LRP2: variants seen among roughly 807,000 people sequenced by gnomAD.
The protein encoded by LRP2 is LDL receptor related protein 2, also known as low-density lipoprotein receptor-related protein 2.
A neutral mutation model predicts 531.0 loss-of-function variants in LRP2; 172 were observed. The observed-to-expected ratio is 0.32, with a 90% CI of 0.29 to 0.37. The LOEUF is 0.37. LRP2 is among the 10% of genes least tolerant of loss of function. The probability of loss-of-function intolerance (pLI) is 1.00; values close to 1 mark genes in which losing one functional copy is unlikely to be tolerated. For missense variants in LRP2, 5,167 were observed against 5,868.3 expected, an observed-to-expected ratio of 0.88 and a Z score of 3.90; for synonymous variants, 1,992 against 2,027.6, an observed-to-expected ratio of 0.98 and a Z score of 0.47.
At chr2:169,291,410 G>A (rs190121690) in intron 7 of LRP2, among the ~76,000 whole-genome samples, 91 of 152,290 alleles carry the variant, frequency 6.0e-4, no homozygotes, top group African/African-American at 2.0e-3. Context: ...TTAGTGAAAT[G>A]TCAACAGTAT....
At position 169,182,971 on chromosome 2, in the gene LRP2, A is replaced by G. The variant is rs113153111; in HGVS notation, c.9846-652T>C. Reference sequence around the variant, plus strand: ...ATTCAATAAAATTTATTTTTCTTATAAGGTAAGTGTTCTTAACCCAAGGTC... The same window carrying G: ...ATTCAATAAAATTTATTTTTCTTATGAGGTAAGTGTTCTTAACCCAAGGTC... On this transcript the variant is annotated intron_variant, in intron 50 of 78. Coordinates refer to ENST00000649046, the MANE Select transcript of LRP2 (RefSeq NM_004525.3). 1.6e-3 allele frequency among the ~76,000 whole-genome samples: 242 copies of G among 152,302 alleles called. 2 individuals carry two copies. The highest frequency in any genetic ancestry group is 5.2e-3 in the African/African-American group (218 of 41,554).
At chr2:169,137,548 A>T (rs1685560464) in intron 75 of LRP2, 55 bp from the exon 76 acceptor site, 3 of 1,092,990 alleles carry the variant, frequency 2.7e-6, no homozygotes, top group Non-Finnish European at 4.2e-6. Context: ...AGAGAGAGAG[A>T]TTACACCATA....
intron 59 of LRP2, among the ~76,000 whole-genome samples, chr2:169,170,028 CT>C (rs1686936697): frequency 6.6e-6 from 1 of 152,190 alleles, no homozygotes; most frequent in African/African-American, 2.4e-5. Flanking sequence ...ACCTAGCTCC[CT>C]AATATTAAAT....
At chr2:169,343,150 C>T (rs1019581314) in intron 1 of LRP2, among the ~76,000 whole-genome samples, 3 of 152,162 alleles carry the variant, frequency 2.0e-5, no homozygotes, top group African/African-American at 7.2e-5. Context: ...AACCAAGTTA[C>T]AGAAAGCATG....
chr2:169,214,572 A>G lies in LRP2; in HGVS notation c.5827-702T>C, dbSNP rs532570023. 1.4e-3 allele frequency among the ~76,000 whole-genome samples: 213 copies of G among 152,296 alleles called. 2 individuals are homozygous for G. Among genetic ancestry groups the G allele is most frequent in the African/African-American group, 5.0e-3 (209 of 41,552 alleles). The stretch of plus-strand genomic sequence containing the variant: ...CAGTGTGGCTTTACTGCCATGGCTG[A>G]AAAGGGAGCCCAGCAGTTACAAGAG... On this transcript the variant is annotated intron_variant, in intron 35 of 78. Coordinates refer to ENST00000649046, the MANE Select transcript of LRP2 (RefSeq NM_004525.3).
At chr2:169,141,918 T>G (rs1685734180) in intron 71 of LRP2, among the ~76,000 whole-genome samples, 2 of 152,208 alleles carry the variant, frequency 1.3e-5, no homozygotes, top group South Asian at 4.1e-4. Context: ...CTGTTTGGAA[T>G]GAGTCAAAGG....
rs780029092 is a variant in LRP2, at chr2:169,165,926, G to A, written c.11758+6C>T. 12 of 1,613,684 alleles carry A rather than the reference G, an allele frequency of 7.4e-6. No individual in the cohort carries two copies. The Admixed American group carries it at 2.0e-4, about 27-fold the overall frequency. On this transcript the variant is annotated splice_donor_region_variant and intron_variant, in intron 62 of 78. Transcript: ENST00000649046. ...TTTTTCCTTCTCCCTTTTGACTTTT[G>A]CTTACAGTGCTCCTCTGTCTCATCA...
chr2:169,294,771 T>C, intron 4 of LRP2, 61 bp from the exon 5 acceptor site: 1 of 1,093,400 alleles, frequency 9.1e-7, no homozygotes, highest in Non-Finnish European at 1.4e-6. Context: ...AACCTTAAAT[T>C]TCCTTCAGCA....
chr2:169,173,816 C>A, intron 56 of LRP2, 103 bp downstream of exon 56: 1 of 1,503,134 alleles, frequency 6.7e-7, no homozygotes. Flanking sequence ...GGGAGCATCC[C>A]ATCAGCTGAA....
Position 169,238,101 on chromosome 2 carries a change from T to A in LRP2, c.4496A>T (p.Asp1499Val), listed in dbSNP as rs748769984. Residue 1499 changes from aspartate (D) to valine (V), a missense_variant, in exon 27 of 79, where the codon GAC becomes GTC. By Grantham distance (152) the Asp-to-Val change is radical. Around this residue, in one of 6 missense-constraint regions of LRP2, gnomAD observed 2,811 missense variants for 3,058.0 expected, o/e 0.92. Transcript: ENST00000649046. ...KTWSAFQNGT[D>V]RRVVFDSSII... ...CAGAAATGTACTTACCACTCTTCTG[T>A]CCGTTCCATTTTGAAACGCACTCCA... is the stretch of plus-strand genomic sequence containing the variant. 2 of 1,613,986 alleles carry A rather than the reference T, an allele frequency of 1.2e-6. No homozygotes were observed. The highest frequency in any genetic ancestry group is 1.7e-6 in the Non-Finnish European group (2 of 1,179,882).
Position 169,196,927 on chromosome 2 carries a change from A to G in LRP2, c.8682T>C (p.Asp2894=), listed in dbSNP as rs765712910. ...CTCTCTTACCACAAGAGGCAGGTTC[A>G]TCAGAGGCATCAAAACAATCTGTTT... The part of the protein sequence containing the change: ...DQETDCFDAS[D]EPASCGHSER... The change falls in exon 46 of 79, where the codon GAT becomes GAC. Residue 2894 remains aspartate (D), a synonymous_variant. Coordinates refer to ENST00000649046, the MANE Select transcript of LRP2 (RefSeq NM_004525.3). 3.7e-6 allele frequency: 6 copies of G among 1,614,088 alleles called. No individual in the cohort carries two copies. The African/African-American group carries it at 8.0e-5, about 22-fold the overall frequency.
intron 1 of LRP2, among the ~76,000 whole-genome samples, chr2:169,353,712 C>T (rs767415614): frequency 5.9e-5 from 9 of 152,120 alleles, no homozygotes; most frequent in Admixed American, 3.3e-4. Flanking sequence ...TGATTTCAGC[C>T]GGGCATGGTG....
intron 1 of LRP2, among the ~76,000 whole-genome samples, chr2:169,358,898 C>A (rs1436352348): frequency 1.9e-3 from 224 of 115,748 alleles, no homozygotes; most frequent in East Asian, 3.0e-3. Context: ...ACGATTTTCT[C>A]AAAAAAAAAA....
At chr2:169,236,223 T>C (rs147236478) in intron 28 of LRP2, among the ~76,000 whole-genome samples, 155 bp from the exon 29 acceptor site, 177 of 152,346 alleles carry the variant, frequency 1.2e-3, no homozygotes, top group African/African-American at 4.1e-3. Flanking sequence ...TTCCTCTAAG[T>C]GTCACAAAGT....
chr2:169,157,859 G>A (rs1686391244), intron 63 of LRP2, among the ~76,000 whole-genome samples: 1 of 150,920 alleles, frequency 6.6e-6, no homozygotes, highest in Admixed American at 6.6e-5. Context: ...ATTGCAAATA[G>A]ATAGATCAAT....
chr2:169,154,661 A>G (rs1404002042), intron 65 of LRP2, 58 bp from the exon 66 acceptor site: 1 of 1,518,526 alleles, frequency 6.6e-7, no homozygotes, highest in Non-Finnish European at 9.1e-7. Context: ...TATATAAAGT[A>G]GGATATAAAA....
At chr2:169,327,073 C>T (rs1394675037) in intron 1 of LRP2, among the ~76,000 whole-genome samples, 5 of 151,098 alleles carry the variant, frequency 3.3e-5, no homozygotes, top group South Asian at 2.1e-4. Flanking sequence ...CCGCCCAGTC[C>T]GGGAGGGAGG....
intron 29 of LRP2, among the ~76,000 whole-genome samples, chr2:169,235,606 G>C (rs1421103494): frequency 6.6e-6 from 1 of 152,160 alleles, no homozygotes; most frequent in Non-Finnish European, 1.5e-5. Context: ...AATCACACGA[G>C]CTATAAAAAT....
intron 62 of LRP2, among the ~76,000 whole-genome samples, chr2:169,165,040 C>G (rs1253625819): frequency 6.6e-6 from 1 of 152,136 alleles, no homozygotes; most frequent in East Asian, 1.9e-4. Flanking sequence ...ATAATGATAA[C>G]AGGAATACGA....
Sources: allele counts gnomAD v4.1 joint callset (sites outside exome capture counted in the v4.1 genomes callset), GRCh38; gene constraint gnomAD v4.1.1; regional missense constraint gnomAD v4.1.1; transcripts MANE v1.5; gene names NCBI Gene and HGNC (gene_info 2026-07-23, HGNC 2026-07-21).